The following METTL16 variants were observed in gnomAD, a reference collection of about 807,000 sequenced individuals.
METTL16 encodes RNA N(6)-adenosine-methyltransferase METTL16.
A neutral mutation model predicts 57.9 loss-of-function variants in METTL16; 19 were observed. The observed-to-expected ratio is 0.33, with a 90% CI of 0.23 to 0.48. METTL16 has a LOEUF of 0.48. Among genes scored for constraint, METTL16 ranks in the 20% least tolerant of loss-of-function variants. The probability of loss-of-function intolerance (pLI) is 0.99; values close to 1 mark genes in which losing one functional copy is unlikely to be tolerated. For missense variants in METTL16, 434 were observed against 691.5 expected, an observed-to-expected ratio of 0.63 and a Z score of 4.18; for synonymous variants, 246 against 255.6, an observed-to-expected ratio of 0.96 and a Z score of 0.36.
intron 6 of METTL16, among the ~76,000 whole-genome samples, chr17:2,451,684 A>G (rs904813564): frequency 2.0e-5 from 3 of 152,096 alleles, no homozygotes; most frequent in Non-Finnish European, 4.4e-5. Context: ...CCAGGAATTT[A>G]AAGCCTTGGG....
At chr17:2,504,601 G>A (rs542806097) in intron 1 of METTL16, among the ~76,000 whole-genome samples, 1 of 152,274 alleles carries the variant, frequency 6.6e-6, no homozygotes, top group South Asian at 2.1e-4. Flanking sequence ...TGTCATCCAG[G>A]ATGGAGTGCA....
chr17:2,460,397 T>G (rs1297446781), intron 6 of METTL16: 2 of 152,192 alleles, frequency 1.3e-5, no homozygotes, highest in Non-Finnish European at 2.9e-5. Flanking sequence ...ATAAGCAGAC[T>G]AGGAACATAC....
rs551847994 is a variant in METTL16, at chr17:2,503,068, C to T, written c.1-737G>A. On this transcript the variant is annotated intron_variant, in intron 1 of 9. Transcript: ENST00000263092. ...CTTTAAAAAGCTAAACATAGAATTA[C>T]TATCTGATTCAGCAATTCCACTCCT... is the stretch of plus-strand genomic sequence containing the variant. Among the ~76,000 whole-genome samples the T allele has an allele frequency of 5.9e-5, 9 of 152,300 alleles. No individual in the cohort carries two copies. In the South Asian group the frequency reaches 8.3e-4, roughly 14 times the overall value.
chr17:2,448,223 A>G (rs1597448780), intron 6 of METTL16, among the ~76,000 whole-genome samples: 1 of 147,940 alleles, frequency 6.8e-6, no homozygotes, highest in African/African-American at 2.5e-5. Context: ...CTGCCCGGCC[A>G]CGACCCCGTC....
At chr17:2,449,419 G>C (rs1258508092) in intron 6 of METTL16, among the ~76,000 whole-genome samples, 1 of 152,090 alleles carries the variant, frequency 6.6e-6, no homozygotes, top group Non-Finnish European at 1.5e-5. Flanking sequence ...TGTTGCACAG[G>C]CTGGTCTCAA....
Position 2,418,262 on chromosome 17 carries a change from A to C in METTL16, c.*1708T>G, listed in dbSNP as rs988004929. On this transcript the variant is annotated 3_prime_UTR_variant, in exon 10 of 10. Transcript: ENST00000263092. ...TTTTAGAAGTAACTCTAGGAGGTAC[A>C]TGGACTCTCTGGAGGTCCACGGACC... The C allele has an allele frequency of 6.6e-6, 1 of 152,218 alleles. No individual in the cohort carries two copies. Among genetic ancestry groups the C allele is most frequent in the African/African-American group, 2.4e-5 (1 of 41,450 alleles). The allele number at this position is 152,218 out of a possible 1,614,324, so 9.4% of individuals were successfully genotyped here. A position where few individuals can be genotyped will look rare whatever the true frequency, so the allele number is the denominator to read the frequency against.
chr17:2,441,476 T>C lies in METTL16; in HGVS notation c.798+14A>G, dbSNP rs1386243393. 1.3e-6 allele frequency: 2 copies of C among 1,570,356 alleles called. No individual in the cohort carries two copies. Among genetic ancestry groups the C allele is most frequent in the Admixed American group, 1.9e-5 (1 of 53,332 alleles). On this transcript the variant is annotated intron_variant, in intron 7 of 9. Coordinates refer to ENST00000263092, the MANE Select transcript of METTL16 (RefSeq NM_024086.4). ...AAAAGTAGCTACACGAGAACAGTAA[T>C]GAGGAAGCCTCACCCCTTGTATGCG...
chr17:2,470,751 C>T (rs1284817706), intron 4 of METTL16, among the ~76,000 whole-genome samples: 1 of 152,202 alleles, frequency 6.6e-6, no homozygotes, highest in East Asian at 1.9e-4. Flanking sequence ...GTTGAGGCTA[C>T]AGTGAACCAC....
chr17:2,419,878 C>T lies in METTL16; in HGVS notation c.*92G>A, dbSNP rs2066747259. 3.4e-6 allele frequency: 5 copies of T among 1,463,830 alleles called. No individual in the cohort carries two copies. Among genetic ancestry groups the T allele is most frequent in the South Asian group, 1.2e-5 (1 of 81,340 alleles). 90.7% of individuals were successfully genotyped at this position (1,463,830 alleles called of 1,614,324 possible). A position where few individuals can be genotyped will look rare whatever the true frequency, so the allele number is the denominator to read the frequency against. On this transcript the variant is annotated 3_prime_UTR_variant, in exon 10 of 10. Transcript: ENST00000263092. ...TCGAAGATAATTCCACATCGTGCTA[C>T]TAATGGGCCGCTGGTAGGATTCCTC...
At chr17:2,471,859 A>G (rs965744566) in intron 4 of METTL16, among the ~76,000 whole-genome samples, 3 of 152,144 alleles carry the variant, frequency 2.0e-5, no homozygotes, top group African/African-American at 7.2e-5. Context: ...CATGTCTATC[A>G]TTCCAACGTT....
rs1004416909 is a variant in METTL16, at chr17:2,499,331, C to CTT, written c.128+2871_128+2872dup. On this transcript the variant is annotated intron_variant, in intron 2 of 9. Coordinates refer to ENST00000263092, the MANE Select transcript of METTL16 (RefSeq NM_024086.4). ...GAAACAAACAATGACAAAACTATAT[C>CTT]TTTTTTTTTTTTTTTTTTTTAATTA... is the stretch of plus-strand genomic sequence containing the variant. 3.9e-3 allele frequency among the ~76,000 whole-genome samples: 504 copies of CTT among 127,600 alleles called. 3 individuals carry two copies. The highest frequency in any genetic ancestry group is 0.013 in the African/African-American group (460 of 34,086). The allele number at this position is 127,600 out of a possible 152,430, so 83.7% of individuals were successfully genotyped here. A position where few individuals can be genotyped will look rare whatever the true frequency, so the allele number is the denominator to read the frequency against.
Position 2,502,236 on chromosome 17 carries a change from C to T in METTL16, c.96G>A (p.Gln32=). The T allele has an allele frequency of 6.2e-7, 1 of 1,613,876 alleles. No homozygotes were observed. The highest frequency in any genetic ancestry group is 8.5e-7 in the Non-Finnish European group (1 of 1,179,926). ...YLASKYPDFK[Q]HVQINLNGRV... is the part of the protein sequence containing the mutation. ...TTCCATTCAGATTTATCTGAACATG[C>T]TGCTTAAAATCTGGATATTTGGATG... The change falls in exon 2 of 10, where the codon CAG becomes CAA. Residue 32 remains glutamine, a synonymous_variant. Transcript: ENST00000263092.
chr17:2,422,115 C>A (rs1295233433), intron 8 of METTL16, among the ~76,000 whole-genome samples: 1 of 152,016 alleles, frequency 6.6e-6, no homozygotes, highest in Non-Finnish European at 1.5e-5. Flanking sequence ...AGTTCAAGAC[C>A]ATCCTGGCCC....
intron 5 of METTL16, among the ~76,000 whole-genome samples, chr17:2,465,094 G>T (rs571468323): frequency 6.6e-6 from 1 of 152,126 alleles, no homozygotes; most frequent in Non-Finnish European, 1.5e-5. Context: ...CAACTTAAAC[G>T]TGAGCAAAAG....
intron 4 of METTL16, 118 bp downstream of exon 4, chr17:2,473,406 G>T (rs766838270): frequency 1.6e-4 from 184 of 1,137,636 alleles, no homozygotes; most frequent in Non-Finnish European, 2.0e-4. Context: ...ATTACAAAGT[G>T]CCAGATTTTT....
chr17:2,491,980 G>C (rs1035063967), intron 2 of METTL16, among the ~76,000 whole-genome samples: 3 of 150,994 alleles, frequency 2.0e-5, no homozygotes, highest in Admixed American at 6.6e-5. Context: ...AGGAGGCCAA[G>C]GCTGACGGAT....
chr17:2,418,923 G>C lies in METTL16; in HGVS notation c.*1047C>G, dbSNP rs2066739684. 6.6e-6 allele frequency: 1 copy of C among 152,236 alleles called. No individual in the cohort carries two copies. Among genetic ancestry groups the C allele is most frequent in the South Asian group, 2.1e-4 (1 of 4,822 alleles). The allele number at this position is 152,236 out of a possible 1,614,324, so 9.4% of individuals were successfully genotyped here. A position where few individuals can be genotyped will look rare whatever the true frequency, so the allele number is the denominator to read the frequency against. ...TCCGGGGGGACGGCTACTGAACCCT[G>C]GCATTCCAATTAGAAACGTGTTTCA... On this transcript the variant is annotated 3_prime_UTR_variant, in exon 10 of 10. Transcript: ENST00000263092.
intron 8 of METTL16, among the ~76,000 whole-genome samples, chr17:2,421,286 TC>T (rs973546863): frequency 1.3e-5 from 2 of 151,990 alleles, no homozygotes; most frequent in Non-Finnish European, 2.9e-5. Context: ...GCCCAAGACT[TC>T]CAGGCTGCAG....
chr17:2,497,990 C>A (rs1456058025), intron 2 of METTL16, among the ~76,000 whole-genome samples: 1 of 151,384 alleles, frequency 6.6e-6, no homozygotes, highest in South Asian at 2.1e-4. Flanking sequence ...GTCAGGAGAT[C>A]GAGACCATCG....
Sources: allele counts gnomAD v4.1 joint callset (sites outside exome capture counted in the v4.1 genomes callset), GRCh38; gene constraint gnomAD v4.1.1; transcripts MANE v1.5; gene names NCBI Gene and HGNC (gene_info 2026-07-23, HGNC 2026-07-21).